TEKT3: variants seen among roughly 807,000 people sequenced by gnomAD.
The protein encoded by TEKT3 is tektin 3.
In TEKT3, 49 loss-of-function variants were observed where a neutral mutation model predicts 49.8. The ratio of observed to expected loss-of-function variants is 0.98; its 90% CI spans 0.78 to 1.25. The LOEUF is 1.25. Ranked by LOEUF, TEKT3 falls within the 50% of genes most tolerant of loss-of-function variation. TEKT3 has a pLI of 0.00. For synonymous variants in TEKT3, 225 were observed against 237.2 expected, an observed-to-expected ratio of 0.95 and a Z score of 0.47; for missense variants, 595 against 629.5, an observed-to-expected ratio of 0.95 and a Z score of 0.59.
At chr17:15,340,379 CAA>C (rs11351552) in intron 1 of TEKT3, 14,646 of 129,368 alleles carry the variant, frequency 0.11, 821 homozygotes, top group East Asian at 0.23. Context: ...ACTAAAAATA[CAA>C]AAAAAAAAAA....
Position 15,305,346 on chromosome 17 carries a change from C to G in TEKT3, c.1257-1194G>C, listed in dbSNP as rs929048919. The stretch of plus-strand genomic sequence containing the variant: ...AACACCTTTCATCTTACAAGCTCTA[C>G]TGTCTCCTGCTTTCCAATGGGGAGG... On this transcript the variant is annotated intron_variant, in intron 8 of 8. Coordinates refer to ENST00000395930, the MANE Select transcript of TEKT3 (RefSeq NM_031898.3). Among the ~76,000 whole-genome samples, 3 of 152,308 alleles carry G rather than the reference C, an allele frequency of 2.0e-5. 1 individual carries two copies. Among genetic ancestry groups the G allele is most frequent in the Middle Eastern group, 6.8e-3 (2 of 294 alleles).
At chr17:15,305,280 T>C (rs183976832) in intron 8 of TEKT3, among the ~76,000 whole-genome samples, 30 of 152,300 alleles carry the variant, frequency 2.0e-4, no homozygotes, top group South Asian at 8.3e-4. Flanking sequence ...CGCAGGCTGA[T>C]TGAAGCAACA....
At chr17:15,319,921 A>G (rs532131261) in intron 4 of TEKT3, among the ~76,000 whole-genome samples, 1 of 152,356 alleles carries the variant, frequency 6.6e-6, no homozygotes, top group Non-Finnish European at 1.5e-5. Flanking sequence ...AAGTTGTCAT[A>G]CTATGCATAC....
chr17:15,310,045 TC>T (rs1230531518), intron 7 of TEKT3, among the ~76,000 whole-genome samples: 6 of 152,234 alleles, frequency 3.9e-5, no homozygotes, highest in African/African-American at 1.2e-4. Context: ...CACTTGAGCT[TC>T]GACCTCTCTC....
chr17:15,326,212 G>C (rs115129414), intron 4 of TEKT3, among the ~76,000 whole-genome samples: 1 of 152,154 alleles, frequency 6.6e-6, no homozygotes, highest in South Asian at 2.1e-4. Context: ...CTGCTACCTT[G>C]TCATACTTAC....
Position 15,308,738 on chromosome 17 carries a change from C to T in TEKT3, c.1182G>A (p.Lys394=), listed in dbSNP as rs1257495358. Residue 394 remains lysine (K), a synonymous_variant, in exon 8 of 9, where the codon AAG becomes AAA. Coordinates refer to ENST00000395930, the MANE Select transcript of TEKT3 (RefSeq NM_031898.3). The part of the protein sequence containing the change: ...KAIKDKTAFL[K]VAQTRLDERT... ...GCTCATCCAGTCTGGTCTGAGCCACCTTCAGGAAGGCAGTCTTGTCCTTGA... is the reference window on the plus strand; with the variant it reads ...GCTCATCCAGTCTGGTCTGAGCCACTTTCAGGAAGGCAGTCTTGTCCTTGA... The T allele has an allele frequency of 6.2e-7, 1 of 1,613,992 alleles. No homozygotes were observed. The highest frequency in any genetic ancestry group is 8.5e-7 in the Non-Finnish European group (1 of 1,180,020).
chr17:15,320,993 A>T (rs1380834589), intron 4 of TEKT3, among the ~76,000 whole-genome samples: 1 of 149,528 alleles, frequency 6.7e-6, no homozygotes, highest in Non-Finnish European at 1.5e-5. Context: ...CTCTTGCTGT[A>T]AAAAATTCCT....
intron 2 of TEKT3, among the ~76,000 whole-genome samples, chr17:15,337,850 G>GA (rs1912054117): frequency 6.6e-6 from 1 of 151,494 alleles, no homozygotes; most frequent in Non-Finnish European, 1.5e-5. Context: ...CAAGAGAAAA[G>GA]AAAAAAGAAA....
At chr17:15,316,133 C>G (rs79910598) in intron 5 of TEKT3, among the ~76,000 whole-genome samples, 4,793 of 152,318 alleles carry the variant, frequency 0.031, 187 homozygotes, top group East Asian at 0.18. Context: ...CTTGCTACTT[C>G]TGTGCTGAGG....
Position 15,331,550 on chromosome 17 carries a change from G to A in TEKT3, c.36C>T (p.Tyr12=), listed in dbSNP as rs141269904. 1.9e-4 allele frequency: 303 copies of A among 1,613,562 alleles called. No individual in the cohort carries two copies. Among genetic ancestry groups the A allele is most frequent in the Non-Finnish European group, 2.4e-4 (282 of 1,179,902 alleles). Residue 12 remains tyrosine, a synonymous_variant, in exon 3 of 9, where the codon TAC becomes TAT. Transcript: ENST00000395930. ...TGGTTGGTGTTGGTCTAGGGTGGGC[G>A]TAAGTTGTCGTTAAAGTACAACCTA... ...ERVGCTLTTT[Y]AHPRPTPTNF...
intron 2 of TEKT3, among the ~76,000 whole-genome samples, chr17:15,337,860 A>G (rs1359515542): frequency 6.6e-6 from 1 of 152,160 alleles, no homozygotes; most frequent in Non-Finnish European, 1.5e-5. Flanking sequence ...GAAAAAAGAA[A>G]TAAATAAAAG....
At chr17:15,327,167 A>AG (rs1326457624) in intron 4 of TEKT3, among the ~76,000 whole-genome samples, 1 of 152,010 alleles carries the variant, frequency 6.6e-6, no homozygotes, top group East Asian at 1.9e-4. Context: ...AAAAAAAAAA[A>AG]AAAGATAGCA....
At chr17:15,316,383 G>A (rs903076271) in intron 5 of TEKT3, among the ~76,000 whole-genome samples, 3 of 152,100 alleles carry the variant, frequency 2.0e-5, no homozygotes, top group Non-Finnish European at 2.9e-5. Flanking sequence ...ATCCCTTCTC[G>A]TGCACACTGT....
At chr17:15,335,098 C>T (rs367908265) in intron 2 of TEKT3, among the ~76,000 whole-genome samples, 2 of 152,070 alleles carry the variant, frequency 1.3e-5, no homozygotes, top group Non-Finnish European at 2.9e-5. Context: ...AGGTATTGTG[C>T]CTAAAGGCAA....
rs1911737633 is a variant in TEKT3, at chr17:15,331,362, A to T, written c.224T>A (p.Val75Glu). The change falls in exon 3 of 9, where the codon GTG becomes GAG. Residue 75 changes from valine to glutamate, a missense_variant. Physicochemically the swap from Val to Glu is moderately radical, Grantham distance 121. Coordinates refer to ENST00000395930, the MANE Select transcript of TEKT3 (RefSeq NM_031898.3). ...VAPYCTRSQRVSENTMLPFVS... is the reference protein window; with the variant it reads ...VAPYCTRSQRESENTMLPFVS... ...AAAGGGAAGCATGGTATTCTCGGAC[A>T]CCCTCTGTGATCTGGTGCAGTACGG... is the stretch of plus-strand genomic sequence containing the variant. 4 of 1,614,086 alleles carry T rather than the reference A, an allele frequency of 2.5e-6. No individual in the cohort carries two copies. The highest frequency in any genetic ancestry group is 3.4e-6 in the Non-Finnish European group (4 of 1,180,036).
At chr17:15,339,254 C>A (rs1192415953) in intron 2 of TEKT3, among the ~76,000 whole-genome samples, 1 of 152,140 alleles carries the variant, frequency 6.6e-6, no homozygotes, top group African/African-American at 2.4e-5. Context: ...AGATGTAGCC[C>A]CTGGATCTTG....
At chr17:15,313,675 A>G (rs796517418) in intron 6 of TEKT3, among the ~76,000 whole-genome samples, 8 of 151,882 alleles carry the variant, frequency 5.3e-5, no homozygotes, top group African/African-American at 1.9e-4. Flanking sequence ...TGCCTGGCTA[A>G]TTTTTGTATT....
chr17:15,339,889 T>G (rs371271812), intron 2 of TEKT3, 139 bp downstream of exon 2: 74 of 152,032 alleles, frequency 4.9e-4, no homozygotes, highest in African/African-American at 1.7e-3. Context: ...TATGCATATA[T>G]TACATAAGAA....
At chr17:15,322,156 C>T (rs1311435400) in intron 4 of TEKT3, among the ~76,000 whole-genome samples, 2 of 152,138 alleles carry the variant, frequency 1.3e-5, no homozygotes. Flanking sequence ...TCTGAAGGTC[C>T]TGATTTCACC....
Sources: allele counts gnomAD v4.1 joint callset (sites outside exome capture counted in the v4.1 genomes callset), GRCh38; gene constraint gnomAD v4.1.1; transcripts MANE v1.5; gene names NCBI Gene and HGNC (gene_info 2026-07-23, HGNC 2026-07-21).